RALGAPA2: variants seen among roughly 807,000 people sequenced by gnomAD.
The protein encoded by RALGAPA2 is Ral GTPase activating protein catalytic subunit alpha 2.
Under a neutral mutation model 230.4 loss-of-function variants are expected in RALGAPA2, and 139 were observed. The ratio of observed to expected loss-of-function variants is 0.60; its 90% CI spans 0.53 to 0.69. The LOEUF (loss-of-function observed/expected upper bound fraction) is 0.69, where lower values mean the gene tolerates loss of function less well. Among genes scored for constraint, RALGAPA2 ranks in the 30% least tolerant of loss-of-function variants. The pLI, the probability that RALGAPA2 is intolerant of heterozygous loss-of-function variation, is 0.00. For missense variants in RALGAPA2, 2,163 were observed against 2,276.0 expected (o/e 0.95, Z 1.01); for synonymous variants, 847 against 837.8 (o/e 1.01, Z -0.19).
At chr20:20,415,139 T>C (rs942956695) in intron 37 of RALGAPA2, among the ~76,000 whole-genome samples, 1 of 152,268 alleles carries the variant, frequency 6.6e-6, no homozygotes, top group African/African-American at 2.4e-5. Flanking sequence ...CAGTATCATC[T>C]GACATTTTCT....
intron 23 of RALGAPA2, among the ~76,000 whole-genome samples, chr20:20,562,814 G>T (rs2145850159): frequency 6.6e-6 from 1 of 152,130 alleles, no homozygotes; most frequent in South Asian, 2.1e-4. Flanking sequence ...ACAGATTAAT[G>T]AAAATAATTA....
intron 33 of RALGAPA2, 126 bp downstream of exon 33, chr20:20,511,128 A>G: frequency 7.0e-7 from 1 of 1,437,960 alleles, no homozygotes; most frequent in South Asian, 1.4e-5. Context: ...AAATGTCACC[A>G]GATGCTAGGT....
chr20:20,430,145 G>A lies in RALGAPA2; in HGVS notation c.5496-17997C>T, dbSNP rs114042597. Among the ~76,000 whole-genome samples, 530 of 152,364 alleles carry A rather than the reference G, an allele frequency of 3.5e-3. 6 individuals are homozygous for A. The highest frequency in any genetic ancestry group is 0.012 in the African/African-American group (511 of 41,590). ...GATCTGCAGGACCATGCTGCAGTGA[G>A]GGGAATGATGCCACAGGTGTGCCTG... is the stretch of plus-strand genomic sequence containing the variant. On this transcript the variant is annotated intron_variant, in intron 37 of 39. Coordinates refer to ENST00000202677, the MANE Select transcript of RALGAPA2 (RefSeq NM_020343.4).
At chr20:20,479,717 A>G (rs1270574765) in intron 36 of RALGAPA2, among the ~76,000 whole-genome samples, 1 of 152,236 alleles carries the variant, frequency 6.6e-6, no homozygotes, top group Non-Finnish European at 1.5e-5. Flanking sequence ...TGTGAAGGAG[A>G]AAAGAAATGT....
At chr20:20,499,696 T>C (rs1181654397) in intron 35 of RALGAPA2, among the ~76,000 whole-genome samples, 1 of 152,132 alleles carries the variant, frequency 6.6e-6, no homozygotes, top group Non-Finnish European at 1.5e-5. Flanking sequence ...CAGGAGGTCA[T>C]TATAGCATGC....
At chr20:20,687,928 A>G (rs79425033) in intron 1 of RALGAPA2, among the ~76,000 whole-genome samples, 6,950 of 152,252 alleles carry the variant, frequency 0.046, 254 homozygotes, top group East Asian at 0.16. Context: ...TGCTAGCCAG[A>G]GTGAAGGCAG....
intron 13 of RALGAPA2, among the ~76,000 whole-genome samples, chr20:20,612,740 G>A (rs949997647): frequency 1.3e-5 from 2 of 152,192 alleles, no homozygotes; most frequent in Non-Finnish European, 2.9e-5. Context: ...ACTTTGAAGA[G>A]AACTGGGAGA....
At chr20:20,408,559 G>A (rs913734771) in intron 38 of RALGAPA2, among the ~76,000 whole-genome samples, 3 of 152,198 alleles carry the variant, frequency 2.0e-5, no homozygotes, top group African/African-American at 7.2e-5. Context: ...GCATGCAGAA[G>A]AATGACCTCA....
chr20:20,542,316 T>A (rs1354994253), intron 24 of RALGAPA2, among the ~76,000 whole-genome samples: 1 of 152,194 alleles, frequency 6.6e-6, no homozygotes, highest in Non-Finnish European at 1.5e-5. Context: ...ATCAATATCA[T>A]GAAAATGGCC....
At chr20:20,599,793 T>C (rs1025281461) in intron 16 of RALGAPA2, among the ~76,000 whole-genome samples, 1 of 151,968 alleles carries the variant, frequency 6.6e-6, no homozygotes, top group Non-Finnish European at 1.5e-5. Context: ...ACCGACATGG[T>C]GAAACCCCAT....
chr20:20,600,393 G>A (rs1470699452), intron 16 of RALGAPA2, among the ~76,000 whole-genome samples: 1 of 152,180 alleles, frequency 6.6e-6, no homozygotes, highest in African/African-American at 2.4e-5. Flanking sequence ...CTCAAAAGTT[G>A]CCTGCTAACA....
At chr20:20,683,026 C>A (rs556718599) in intron 1 of RALGAPA2, among the ~76,000 whole-genome samples, 2 of 152,304 alleles carry the variant, frequency 1.3e-5, no homozygotes, top group South Asian at 4.1e-4. Flanking sequence ...CAGGGAAGTC[C>A]TCCATCAGAT....
intron 18 of RALGAPA2, among the ~76,000 whole-genome samples, chr20:20,588,597 CAGAATATACAA>C (rs1224594473): frequency 6.6e-6 from 1 of 152,000 alleles, no homozygotes; most frequent in Admixed American, 6.5e-5. Context: ...TTGCTGAAAA[CAGAATATACAA>C]ATGTAAACTG....
intron 38 of RALGAPA2, among the ~76,000 whole-genome samples, chr20:20,408,910 G>A (rs1197991288): frequency 1.3e-5 from 2 of 152,174 alleles, no homozygotes; most frequent in Non-Finnish European, 2.9e-5. Context: ...ATCTTTACAT[G>A]TCAGGTGTTA....
intron 15 of RALGAPA2, among the ~76,000 whole-genome samples, chr20:20,602,151 A>T (rs190028714): frequency 1.3e-5 from 2 of 152,328 alleles, no homozygotes; most frequent in Admixed American, 1.3e-4. Flanking sequence ...TACAAGAACA[A>T]TATCAAATGA....
At chr20:20,579,077 G>A (rs994213895) in intron 20 of RALGAPA2, among the ~76,000 whole-genome samples, 5 of 152,166 alleles carry the variant, frequency 3.3e-5, no homozygotes, top group Admixed American at 6.6e-5. Context: ...GCAGGTAACA[G>A]GAGCTGTAAT....
intron 5 of RALGAPA2, 55 bp from the exon 6 acceptor site, chr20:20,640,933 T>C: frequency 2.1e-6 from 3 of 1,456,386 alleles, no homozygotes; most frequent in East Asian, 4.7e-5. Flanking sequence ...CAGAAATGCA[T>C]TACAATGTAG....
At chr20:20,693,555 C>T (rs1291083710) in intron 1 of RALGAPA2, among the ~76,000 whole-genome samples, 1 of 152,142 alleles carries the variant, frequency 6.6e-6, no homozygotes, top group Admixed American at 6.5e-5. Flanking sequence ...GCTGTAGTCA[C>T]CTCCACCCCT....
chr20:20,417,600 A>G (rs181681741), intron 37 of RALGAPA2, among the ~76,000 whole-genome samples: 1 of 152,360 alleles, frequency 6.6e-6, no homozygotes, highest in East Asian at 1.9e-4. Context: ...AATAGTTAAC[A>G]TTCACAGGTT....
Sources: gnomAD v4.1 joint callset for allele counts (sites outside exome capture counted in the v4.1 genomes callset) on GRCh38, gnomAD v4.1.1 for gene constraint, MANE v1.5 for transcripts, NCBI Gene and HGNC (gene_info 2026-07-23, HGNC 2026-07-21) for gene names.